DLGAP2: variants seen among roughly 807,000 people sequenced by gnomAD.
DLGAP2 encodes the protein DLG associated protein 2.
Under a neutral mutation model 100.3 loss-of-function variants are expected in DLGAP2, and 26 were observed. The observed-to-expected ratio is 0.26, with a 90% CI of 0.19 to 0.36. DLGAP2 has a LOEUF of 0.36. Ranked by LOEUF, DLGAP2 falls within the 10% of genes least tolerant of loss-of-function variation. DLGAP2 has a pLI of 1.00. For synonymous variants in DLGAP2, 886 were observed against 630.1 expected (o/e 1.41, Z -6.08); for missense variants, 1,858 against 1,453.2 (o/e 1.28, Z -4.53).
At chr8:1,076,065 A>G (rs917799342) in intron 2 of DLGAP2, among the ~76,000 whole-genome samples, 1 of 152,174 alleles carries the variant, frequency 6.6e-6, no homozygotes, top group Admixed American at 6.5e-5. Flanking sequence ...TACTACTAGC[A>G]AAAGGTAGGA....
At position 813,514 on chromosome 8, in the gene DLGAP2, T is replaced by A. The variant is rs148575363; in HGVS notation, c.18+75689T>A. Among the ~76,000 whole-genome samples the A allele has an allele frequency of 7.4e-3, 1,121 of 152,262 alleles. 10 individuals carry two copies. Among genetic ancestry groups the A allele is most frequent in the African/African-American group, 0.025 (1,034 of 41,548 alleles). ...TGCTCTTCCAGGCACCCTTGAGGTG[T>A]GCGTGTCTTAGATTTCTTCAAACCT... On this transcript the variant is annotated intron_variant, in intron 1 of 14. Coordinates refer to ENST00000637795, the MANE Select transcript of DLGAP2 (RefSeq NM_001346810.2).
chr8:1,520,380 C>T (rs1050880075), intron 4 of DLGAP2, among the ~76,000 whole-genome samples: 3 of 152,198 alleles, frequency 2.0e-5, no homozygotes, highest in Admixed American at 6.5e-5. Context: ...CTTCACCCCT[C>T]GCACTGGCGT....
intron 2 of DLGAP2, among the ~76,000 whole-genome samples, chr8:999,715 G>A (rs10089531): frequency 0.15 from 23,089 of 152,048 alleles, 2,258 homozygotes; most frequent in Non-Finnish European, 0.22. Context: ...TCTTGACCTC[G>A]TGATCCACCT....
chr8:801,538 C>T (rs548063952), intron 1 of DLGAP2, among the ~76,000 whole-genome samples: 1 of 152,336 alleles, frequency 6.6e-6, no homozygotes, highest in South Asian at 2.1e-4. Context: ...TGCTGAAAGG[C>T]TGTGCTGCCT....
Position 1,609,212 on chromosome 8 carries a change from C to T in DLGAP2, c.1443-17528C>T, listed in dbSNP as rs562361991. 1.0e-3 allele frequency among the ~76,000 whole-genome samples: 142 copies of T among 142,094 alleles called. 1 individual carries two copies. Among genetic ancestry groups the T allele is most frequent in the African/African-American group, 3.4e-3 (135 of 39,992 alleles). 93.2% of individuals were successfully genotyped at this position (142,094 alleles called of 152,430 possible). On this transcript the variant is annotated intron_variant, in intron 6 of 14. Transcript: ENST00000637795. ...ATCTCTCGGCAGAAACCCTACAAGCCAGAAGAGAGTGGGGGCCAATATTCA... is the reference window on the plus strand; with the variant it reads ...ATCTCTCGGCAGAAACCCTACAAGCTAGAAGAGAGTGGGGGCCAATATTCA...
chr8:1,527,401 G>A (rs994422852), intron 4 of DLGAP2, among the ~76,000 whole-genome samples: 4 of 152,214 alleles, frequency 2.6e-5, no homozygotes, highest in East Asian at 3.9e-4. Flanking sequence ...CGCTTCTCAC[G>A]TGCAGGACAG....
chr8:1,170,240 T>A (rs1195574595), intron 2 of DLGAP2, among the ~76,000 whole-genome samples: 12 of 152,174 alleles, frequency 7.9e-5, no homozygotes, highest in Middle Eastern at 3.2e-3. Flanking sequence ...AGCCCACTTG[T>A]TCATGCTGGA....
chr8:1,444,374 T>C (rs1238994477), intron 3 of DLGAP2, among the ~76,000 whole-genome samples: 1 of 152,254 alleles, frequency 6.6e-6, no homozygotes, highest in Non-Finnish European at 1.5e-5. Context: ...CTCAAATTGC[T>C]ACTGAAAAGG....
At chr8:817,464 A>T (rs1271135031) in intron 1 of DLGAP2, among the ~76,000 whole-genome samples, 1 of 152,166 alleles carries the variant, frequency 6.6e-6, no homozygotes, top group Non-Finnish European at 1.5e-5. Flanking sequence ...TTTTTCTGGC[A>T]ATTCAGAGAT....
intron 12 of DLGAP2, among the ~76,000 whole-genome samples, chr8:1,686,233 A>G (rs1405734250): frequency 6.6e-6 from 1 of 152,252 alleles, no homozygotes; most frequent in African/African-American, 2.4e-5. Flanking sequence ...TGTGTGAATA[A>G]TATTCACAGT....
At chr8:785,243 A>G (rs1244491693) in intron 1 of DLGAP2, among the ~76,000 whole-genome samples, 1 of 148,560 alleles carries the variant, frequency 6.7e-6, no homozygotes, top group East Asian at 2.0e-4. Flanking sequence ...AAAAAAAAAA[A>G]AAAAAAAAAG....
intron 8 of DLGAP2, among the ~76,000 whole-genome samples, chr8:1,651,295 G>A (rs552642080): frequency 2.0e-5 from 3 of 152,256 alleles, no homozygotes; most frequent in Admixed American, 2.0e-4. Flanking sequence ...TCTTCACAGG[G>A]TGCCCTGAGC....
intron 3 of DLGAP2, among the ~76,000 whole-genome samples, chr8:1,417,096 G>C (rs1284618486): frequency 6.6e-6 from 1 of 151,214 alleles, no homozygotes; most frequent in South Asian, 2.1e-4. Flanking sequence ...TGGGGGGATG[G>C]GGGGGTGGGG....
chr8:782,877 C>T (rs1295638606), intron 1 of DLGAP2, among the ~76,000 whole-genome samples: 1 of 152,182 alleles, frequency 6.6e-6, no homozygotes, highest in East Asian at 1.9e-4. Context: ...TGTCAGGTGA[C>T]AGAAGAAGAA....
In DLGAP2 at chr8:1,695,114, A is replaced by G. The variant is rs190073621; in HGVS notation, c.2797-2033A>G. ...CAGTGGCCGGCCATGTTCCTCCTTC[A>G]TCCCCCAGGAGATGTGACCAGGACC... On this transcript the variant is annotated intron_variant, in intron 13 of 14. Transcript: ENST00000637795. Among the ~76,000 whole-genome samples, 441 of 152,278 alleles carry G rather than the reference A, an allele frequency of 2.9e-3. 3 individuals carry two copies. The highest frequency in any genetic ancestry group is 0.01 in the African/African-American group (419 of 41,570).
intron 1 of DLGAP2, among the ~76,000 whole-genome samples, chr8:746,758 G>C (rs147744201): frequency 6.6e-6 from 1 of 152,308 alleles, no homozygotes; most frequent in African/African-American, 2.4e-5. Context: ...GAGGATTTGT[G>C]CGTTCTTACC....
intron 2 of DLGAP2, among the ~76,000 whole-genome samples, chr8:1,171,568 T>C (rs918934170): frequency 2.0e-5 from 3 of 152,130 alleles, no homozygotes; most frequent in African/African-American, 7.2e-5. Flanking sequence ...TGGGTGCTCC[T>C]GTATTGGGTG....
intron 1 of DLGAP2, among the ~76,000 whole-genome samples, chr8:890,160 G>A (rs1291640904): frequency 6.6e-6 from 1 of 152,120 alleles, no homozygotes; most frequent in Non-Finnish European, 1.5e-5. Context: ...TTTTTCCGAT[G>A]GGAGCCTCCA....
intron 3 of DLGAP2, among the ~76,000 whole-genome samples, chr8:1,320,925 A>G (rs181366954): frequency 1.6e-3 from 237 of 152,048 alleles, no homozygotes; most frequent in African/African-American, 5.4e-3. Context: ...GTGTGCATGT[A>G]TCTGTGTGTA....
Sources: allele counts gnomAD v4.1 joint callset (sites outside exome capture counted in the v4.1 genomes callset), GRCh38; gene constraint gnomAD v4.1.1; transcripts MANE v1.5; gene names NCBI Gene and HGNC (gene_info 2026-07-23, HGNC 2026-07-21).